The following CCSER1 variants were observed in gnomAD, a reference collection of about 807,000 sequenced individuals.
CCSER1 encodes coiled-coil serine rich protein 1.
In CCSER1, 41 loss-of-function variants were observed where a neutral mutation model predicts 82.0. The observed-to-expected ratio is 0.50, with a 90% CI of 0.39 to 0.65. The LOEUF is 0.65. Among genes scored for constraint, CCSER1 ranks in the 30% least tolerant of loss-of-function variants. CCSER1 has a pLI of 0.00. For missense variants in CCSER1, 1,119 were observed against 1,064.2 expected (o/e 1.05, Z -0.72); for synonymous variants, 414 against 383.9 (o/e 1.08, Z -0.92).
chr4:90,159,743 G>A lies in CCSER1; in HGVS notation c.-42+31912G>A, dbSNP rs145489663. On this transcript the variant is annotated intron_variant, in intron 1 of 10. Coordinates refer to ENST00000509176, the MANE Select transcript of CCSER1 (RefSeq NM_001145065.2). Reference sequence around the variant, plus strand: ...CGTGTCTAGTTCTTTTGACTCAGGTGGTCAGTATTCTGTTCATTTTAATAT... The same window carrying A: ...CGTGTCTAGTTCTTTTGACTCAGGTAGTCAGTATTCTGTTCATTTTAATAT... 3.3e-4 allele frequency among the ~76,000 whole-genome samples: 50 copies of A among 152,164 alleles called. No homozygotes were observed. In the East Asian group the frequency reaches 9.3e-3, roughly 28 times the overall value.
intron 10 of CCSER1, among the ~76,000 whole-genome samples, chr4:91,555,726 A>G (rs1762367673): frequency 6.6e-6 from 1 of 151,052 alleles, no homozygotes; most frequent in African/African-American, 2.4e-5. Flanking sequence ...TTATCAATCT[A>G]CCTCAATTTC....
intron 3 of CCSER1, among the ~76,000 whole-genome samples, chr4:90,367,177 A>C (rs1203237772): frequency 6.6e-6 from 1 of 151,800 alleles, no homozygotes; most frequent in Admixed American, 6.6e-5. Flanking sequence ...GAGTGGAACA[A>C]ACAAACATTT....
At chr4:91,176,913 T>C (rs1348237514) in intron 10 of CCSER1, among the ~76,000 whole-genome samples, 1 of 152,208 alleles carries the variant, frequency 6.6e-6, no homozygotes, top group Non-Finnish European at 1.5e-5. Context: ...TCAAAGGGAA[T>C]CTTTCCAGTT....
intron 10 of CCSER1, among the ~76,000 whole-genome samples, chr4:91,521,197 C>T (rs1167037256): frequency 6.6e-6 from 1 of 152,162 alleles, no homozygotes; most frequent in African/African-American, 2.4e-5. Flanking sequence ...ATGCATGTCC[C>T]TGCAAAGGAC....
At chr4:90,492,568 A>G (rs1008042807) in intron 5 of CCSER1, among the ~76,000 whole-genome samples, 16 of 151,990 alleles carry the variant, frequency 1.1e-4, no homozygotes, top group Non-Finnish European at 7.4e-5. Context: ...TAGCTTTTGA[A>G]TGTGTTTACT....
In CCSER1 at chr4:90,460,664, G is replaced by A. The variant is rs191996722; in HGVS notation, c.1604-7570G>A. Among the ~76,000 whole-genome samples the A allele has an allele frequency of 1.9e-3, 294 of 152,198 alleles. 4 individuals are homozygous for A. The Middle Eastern group carries it at 0.031, about 16-fold the overall frequency. ...TAACAAATATCTCAAGATGATATTA[G>A]CCTTAAATAATATGGTTGTATAGAA... On this transcript the variant is annotated intron_variant, in intron 4 of 10. Transcript: ENST00000509176.
intron 10 of CCSER1, among the ~76,000 whole-genome samples, chr4:91,131,946 AC>A (rs1208952112): frequency 6.6e-6 from 1 of 151,814 alleles, no homozygotes; most frequent in Non-Finnish European, 1.5e-5. Flanking sequence ...GAGCTTATAC[AC>A]CTTAACTTCA....
chr4:90,382,909 C>T (rs1269047957), intron 3 of CCSER1, among the ~76,000 whole-genome samples: 1 of 152,072 alleles, frequency 6.6e-6, no homozygotes, highest in Non-Finnish European at 1.5e-5. Flanking sequence ...CACTTCAACA[C>T]CGTGTGTTAT....
At chr4:90,208,405 G>A (rs931578743) in intron 1 of CCSER1, among the ~76,000 whole-genome samples, 1 of 152,156 alleles carries the variant, frequency 6.6e-6, no homozygotes, top group African/African-American at 2.4e-5. Flanking sequence ...CTGGCAGCAA[G>A]AATTTCAAGC....
intron 10 of CCSER1, among the ~76,000 whole-genome samples, chr4:91,150,382 G>T (rs1202608925): frequency 2.0e-5 from 3 of 152,152 alleles, no homozygotes; most frequent in Non-Finnish European, 4.4e-5. Context: ...ACTTTGGGCT[G>T]GGATGATGGG....
chr4:91,454,775 T>C (rs1437087076), intron 10 of CCSER1, among the ~76,000 whole-genome samples: 1 of 151,966 alleles, frequency 6.6e-6, no homozygotes, highest in Non-Finnish European at 1.5e-5. Flanking sequence ...CAACATCTAA[T>C]TAAGGTGTTC....
intron 10 of CCSER1, among the ~76,000 whole-genome samples, chr4:91,407,740 G>A (rs1218095065): frequency 6.6e-6 from 1 of 152,068 alleles, no homozygotes; most frequent in African/African-American, 2.4e-5. Context: ...AGCTCTACAG[G>A]GAACTAGTAG....
chr4:90,395,443 A>T (rs186584003), intron 3 of CCSER1, among the ~76,000 whole-genome samples: 7 of 152,278 alleles, frequency 4.6e-5, no homozygotes, highest in Admixed American at 3.9e-4. Flanking sequence ...CAGAAATGTA[A>T]GACAAGTCCA....
chr4:90,535,848 G>T (rs1422540867), intron 5 of CCSER1, among the ~76,000 whole-genome samples: 1 of 151,958 alleles, frequency 6.6e-6, no homozygotes, highest in Non-Finnish European at 1.5e-5. Flanking sequence ...TTAAAACTCA[G>T]ATGCTTTGCT....
At chr4:91,368,057 T>A (rs1461684095) in intron 10 of CCSER1, among the ~76,000 whole-genome samples, 1 of 152,190 alleles carries the variant, frequency 6.6e-6, no homozygotes, top group African/African-American at 2.4e-5. Flanking sequence ...GGTAAAAATA[T>A]AATGATAGTA....
chr4:90,366,908 G>T (rs1578135927), intron 3 of CCSER1, among the ~76,000 whole-genome samples: 1 of 151,718 alleles, frequency 6.6e-6, no homozygotes, highest in Admixed American at 6.6e-5. Context: ...TTAATAAAAG[G>T]TATGTATAAC....
chr4:90,552,164 G>A (rs1001931299), intron 5 of CCSER1, among the ~76,000 whole-genome samples: 15 of 152,076 alleles, frequency 9.9e-5, no homozygotes, highest in African/African-American at 3.1e-4. Context: ...TATCACATTG[G>A]CCATTAAGTT....
intron 9 of CCSER1, among the ~76,000 whole-genome samples, chr4:90,941,963 T>G (rs71611412): frequency 0.049 from 7,445 of 152,092 alleles, 356 homozygotes; most frequent in East Asian, 0.21. Flanking sequence ...GTTTTGTTTT[T>G]TTTGAGACAA....
chr4:90,220,565 C>T (rs1205829027), intron 1 of CCSER1, among the ~76,000 whole-genome samples: 2 of 152,010 alleles, frequency 1.3e-5, no homozygotes, highest in South Asian at 2.1e-4. Context: ...TGGGCTTCAG[C>T]ATACATGAAG....
Sources: allele counts gnomAD v4.1 joint callset (sites outside exome capture counted in the v4.1 genomes callset), GRCh38; gene constraint gnomAD v4.1.1; transcripts MANE v1.5; gene names NCBI Gene and HGNC (gene_info 2026-07-23, HGNC 2026-07-21).